Variants in CNKSR2 observed in about 807,000 individuals in gnomAD.
CNKSR2 encodes the protein connector enhancer of kinase suppressor of Ras 2.
CNKSR2 carries 14 observed loss-of-function variants against 84.4 expected under a neutral mutation model. The observed-to-expected ratio is 0.17, with a 90% CI of 0.11 to 0.26. CNKSR2 has a LOEUF of 0.26. Among genes scored for constraint, CNKSR2 ranks in the 10% least tolerant of loss-of-function variants. CNKSR2 has a pLI of 1.00. For synonymous variants in CNKSR2, 275 were observed against 277.9 expected, an observed-to-expected ratio of 0.99 and a Z score of 0.10; for missense variants, 485 against 771.2, an observed-to-expected ratio of 0.63 and a Z score of 4.40.
rs141862493 is a variant in CNKSR2 at position 21,495,122 on chromosome X, A to C, written c.682-2665A>C. On this transcript the variant is annotated intron_variant, in intron 6 of 21. Transcript: ENST00000379510. ...CAGTCATCAAATATTCTAATAAGAA[A>C]AGTTAAGGTGTACAACTCTCCTAAC... is the stretch of plus-strand genomic sequence containing the variant. The C allele has an allele frequency of 2.4e-3, 267 of 112,076 alleles. 1 individual carries two copies. The highest frequency in any genetic ancestry group is 7.8e-3 in the African/African-American group (242 of 30,863). The allele number at this position is 112,076 out of a possible 1,213,427, so 9.2% of individuals were successfully genotyped here. A position where few individuals can be genotyped will look rare whatever the true frequency, so the allele number is the denominator to read the frequency against.
intron 3 of CNKSR2, among the ~76,000 whole-genome samples, chrX:21,436,868 T>G (rs2147076879): frequency 9.0e-6 from 1 of 111,437 alleles, no homozygotes; most frequent in East Asian, 2.8e-4. Flanking sequence ...CTTTTACCCT[T>G]ATTTATATGT....
intron 5 of CNKSR2, among the ~76,000 whole-genome samples, chrX:21,485,013 C>T (rs1334354753): frequency 1.8e-5 from 2 of 111,216 alleles, no homozygotes; most frequent in African/African-American, 6.5e-5. Flanking sequence ...GAAACCCCAT[C>T]TCTACTAAAA....
At chrX:21,560,367 A>G (rs757493628) in intron 11 of CNKSR2, among the ~76,000 whole-genome samples, 5 of 110,858 alleles carry the variant, frequency 4.5e-5, no homozygotes, top group South Asian at 3.9e-4. Context: ...GATACTATGT[A>G]CTTACCAGGT....
intron 8 of CNKSR2, chrX:21,505,068 G>GA (rs2091599304): frequency 8.4e-6 from 2 of 237,482 alleles, no homozygotes; most frequent in Non-Finnish European, 7.5e-6. Flanking sequence ...TTTTTTAGCT[G>GA]ATGAGACTAC....
chrX:21,428,518 G>A (rs886871994), intron 2 of CNKSR2: 3 of 111,596 alleles, frequency 2.7e-5, no homozygotes, highest in African/African-American at 9.7e-5. Context: ...ATTCTAGAAA[G>A]AAGTAAGCTG....
At position 21,374,918 on chromosome X, in the gene CNKSR2, G is replaced by A. The variant is rs756602719; in HGVS notation, c.21G>A (p.Pro7=). 2 of 1,210,321 alleles carry A rather than the reference G, an allele frequency of 1.7e-6. No individual in the cohort carries two copies. The highest frequency in any genetic ancestry group is 3.5e-5 in the South Asian group (2 of 56,985). The change falls in exon 1 of 22, where the codon CCG becomes CCA. Residue 7 remains proline, a synonymous_variant. Transcript: ENST00000379510. ...TACCCATGGCTCTGATAATGGAACCGGTGAGCAAATGGTCTCCGAGTCAAG... is the reference window on the plus strand; with the variant it reads ...TACCCATGGCTCTGATAATGGAACCAGTGAGCAAATGGTCTCCGAGTCAAG... MALIME[P]VSKWSPSQVV...
chrX:21,534,957 A>G (rs2091914678), intron 11 of CNKSR2, among the ~76,000 whole-genome samples: 3 of 110,391 alleles, frequency 2.7e-5, no homozygotes, highest in Non-Finnish European at 5.7e-5. Context: ...ATTTGCCTAG[A>G]CCAATGTCCT....
intron 7 of CNKSR2, among the ~76,000 whole-genome samples, chrX:21,500,925 A>G (rs2091553160): frequency 9.0e-6 from 1 of 111,669 alleles, no homozygotes; most frequent in South Asian, 3.6e-4. Context: ...ATTGCTGTCC[A>G]TCTTTTAATT....
intron 1 of CNKSR2, among the ~76,000 whole-genome samples, chrX:21,386,049 C>T (rs1235808598): frequency 9.4e-6 from 1 of 106,229 alleles, no homozygotes; most frequent in African/African-American, 3.4e-5. Flanking sequence ...AAAAGCCTAC[C>T]CTGAGCACTA....
intron 4 of CNKSR2, among the ~76,000 whole-genome samples, chrX:21,469,641 T>C (rs1408194479): frequency 9.0e-6 from 1 of 111,293 alleles, no homozygotes; most frequent in Non-Finnish European, 1.9e-5. Flanking sequence ...CCAGGCGCAG[T>C]GGCTCACGCC....
chrX:21,555,892 G>C (rs182613200), intron 11 of CNKSR2, among the ~76,000 whole-genome samples: 1 of 110,681 alleles, frequency 9.0e-6, no homozygotes, highest in Non-Finnish European at 1.9e-5. Context: ...TTTTAAAAGC[G>C]ATACAAATGA....
chrX:21,608,936 A>T, intron 19 of CNKSR2, 135 bp from the exon 20 acceptor site: 1 of 955,707 alleles, frequency 1.0e-6, no homozygotes, highest in Non-Finnish European at 1.4e-6. Flanking sequence ...GATGTCTGCA[A>T]ACTTGCCTAG....
chrX:21,412,364 G>A (rs758078428), intron 1 of CNKSR2, among the ~76,000 whole-genome samples: 3 of 111,993 alleles, frequency 2.7e-5, no homozygotes, highest in Non-Finnish European at 5.6e-5. Flanking sequence ...TTCATGACAC[G>A]AATTACTTTA....
intron 13 of CNKSR2, among the ~76,000 whole-genome samples, chrX:21,571,914 C>G (rs996056660): frequency 2.7e-5 from 3 of 111,824 alleles, no homozygotes; most frequent in African/African-American, 9.8e-5. Flanking sequence ...ACCTCTAAGC[C>G]GTCACTTGTT....
intron 11 of CNKSR2, among the ~76,000 whole-genome samples, chrX:21,555,403 A>G (rs1350785855): frequency 1.8e-5 from 2 of 111,884 alleles, no homozygotes; most frequent in South Asian, 3.7e-4. Context: ...AAATATGCCT[A>G]TAAAGATCAG....
chrX:21,593,313 T>G (rs1266915370), intron 15 of CNKSR2: 1 of 112,142 alleles, frequency 8.9e-6, no homozygotes, highest in African/African-American at 3.2e-5. Flanking sequence ...ATACTACTCT[T>G]TTTCATAACA....
chrX:21,533,705 G>A (rs954215173), intron 11 of CNKSR2, among the ~76,000 whole-genome samples: 5 of 110,878 alleles, frequency 4.5e-5, no homozygotes, highest in African/African-American at 1.6e-4. Flanking sequence ...ACATCTTTTT[G>A]TAACCAACTT....
At chrX:21,459,838 A>G (rs965280498) in intron 4 of CNKSR2, among the ~76,000 whole-genome samples, 2 of 111,070 alleles carry the variant, frequency 1.8e-5, no homozygotes, top group African/African-American at 6.6e-5. Context: ...TAAACTCCTC[A>G]CATTGTCTTT....
At chrX:21,480,579 A>T (rs909512843) in intron 5 of CNKSR2, among the ~76,000 whole-genome samples, 1 of 111,792 alleles carries the variant, frequency 8.9e-6, no homozygotes, top group Non-Finnish European at 1.9e-5. Context: ...GAAACAGCAG[A>T]TAAATAGAAT....
Sources: allele counts gnomAD v4.1 joint callset (sites outside exome capture counted in the v4.1 genomes callset), GRCh38; gene constraint gnomAD v4.1.1; transcripts MANE v1.5; gene names NCBI Gene and HGNC (gene_info 2026-07-23, HGNC 2026-07-21).